USP15: variants seen among roughly 807,000 people sequenced by gnomAD.
USP15 encodes the protein ubiquitin specific peptidase 15.
USP15 carries 18 observed loss-of-function variants against 127.1 expected under a neutral mutation model. The observed-to-expected ratio is 0.14, with a 90% confidence interval of 0.10 to 0.21. The LOEUF is 0.21. Among genes scored for constraint, USP15 ranks in the 10% least tolerant of loss-of-function variants. The probability of loss-of-function intolerance (pLI) is 1.00; values close to 1 mark genes in which losing one functional copy is unlikely to be tolerated. For synonymous variants in USP15, 364 were observed against 393.7 expected (o/e 0.92, Z 0.89); for missense variants, 805 against 1,159.9 (o/e 0.69, Z 4.44).
At chr12:62,338,237 A>G (rs941219627) in intron 6 of USP15, among the ~76,000 whole-genome samples, 1 of 152,078 alleles carries the variant, frequency 6.6e-6, no homozygotes, top group Non-Finnish European at 1.5e-5. Flanking sequence ...CCAGTGATGA[A>G]GAGCTTTTTT....
chr12:62,319,765 A>G (rs1343525444), intron 4 of USP15, among the ~76,000 whole-genome samples: 1 of 152,232 alleles, frequency 6.6e-6, no homozygotes, highest in African/African-American at 2.4e-5. Context: ...TATTAATAGA[A>G]AAAACATCTA....
intron 14 of USP15, among the ~76,000 whole-genome samples, chr12:62,390,510 T>G (rs532740610): frequency 1.3e-5 from 2 of 152,254 alleles, no homozygotes; most frequent in Admixed American, 1.3e-4. Flanking sequence ...TATTCTTTCT[T>G]GCATATCTAA....
chr12:62,341,110 T>C (rs1375137503), intron 6 of USP15, among the ~76,000 whole-genome samples: 4 of 152,214 alleles, frequency 2.6e-5, no homozygotes, highest in East Asian at 1.9e-4. Context: ...GTGGCATTGA[T>C]CCCTTTACCG....
intron 8 of USP15, among the ~76,000 whole-genome samples, chr12:62,379,386 A>G (rs2066922243): frequency 1.3e-5 from 2 of 152,116 alleles, no homozygotes. Context: ...TTGGGCTTCC[A>G]ATCTGTAAGC....
chr12:62,299,213 C>T (rs561428545), intron 2 of USP15, among the ~76,000 whole-genome samples: 49 of 152,180 alleles, frequency 3.2e-4, no homozygotes, highest in Non-Finnish European at 5.1e-4. Context: ...CAGGTTCGAG[C>T]GATTATCCTA....
Position 62,302,852 on chromosome 12 carries a change from A to G in USP15, c.280A>G (p.Thr94Ala). ...IDELDYILLP[T>A]EGWNKLVSWY... ...TGAATTGGATTACATACTGTTGCCAACTGAAGGTTGGAATAAACTTGTCAG... is the reference window on the plus strand; with the variant it reads ...TGAATTGGATTACATACTGTTGCCAGCTGAAGGTTGGAATAAACTTGTCAG... The change falls in exon 3 of 22, where the codon ACT (threonine) becomes GCT (alanine). Residue 94 changes from threonine to alanine, a missense_variant. Thr to Ala is a moderately conservative substitution (Grantham distance 58). Coordinates refer to ENST00000280377, the MANE Select transcript of USP15 (RefSeq NM_001252078.2). 3.1e-6 allele frequency: 5 copies of G among 1,613,212 alleles called. No homozygotes were observed. Among genetic ancestry groups the G allele is most frequent in the Non-Finnish European group, 3.4e-6 (4 of 1,179,388 alleles).
At chr12:62,283,085 A>G (rs1245824541) in intron 1 of USP15, among the ~76,000 whole-genome samples, 5 of 152,224 alleles carry the variant, frequency 3.3e-5, no homozygotes, top group African/African-American at 1.2e-4. Context: ...AAATTAACTG[A>G]AGATCAGAGT....
At chr12:62,328,118 AAG>A (rs2065185596) in intron 6 of USP15, among the ~76,000 whole-genome samples, 1 of 152,186 alleles carries the variant, frequency 6.6e-6, no homozygotes, top group Non-Finnish European at 1.5e-5. Context: ...GAAGATAAGA[AAG>A]AAGAAATAAA....
At position 62,392,298 on chromosome 12, in the gene USP15, G is replaced by A; in HGVS notation, c.2331G>A (p.Glu777=). 1 of 1,605,044 alleles carries A rather than the reference G, an allele frequency of 6.2e-7. No homozygotes were observed. The highest frequency in any genetic ancestry group is 8.5e-7 in the Non-Finnish European group (1 of 1,177,156). ...AEDFEKHESV[E]YKPPKKPFVK... Reference sequence around the variant, plus strand: ...ACTTTGAAAAACATGAAAGTGTGGAGTATAAACCTCCTAAAAAACCCTTTG... The same window carrying A: ...ACTTTGAAAAACATGAAAGTGTGGAATATAAACCTCCTAAAAAACCCTTTG... The change falls in exon 18 of 22, where the codon GAG becomes GAA. Residue 777 remains glutamate (E), a synonymous_variant. Coordinates refer to ENST00000280377, the MANE Select transcript of USP15 (RefSeq NM_001252078.2).
Position 62,393,041 on chromosome 12 carries a change from G to C in USP15, c.2421-12G>C. The C allele has an allele frequency of 1.2e-6, 2 of 1,612,374 alleles. No individual in the cohort carries two copies. The highest frequency in any genetic ancestry group is 8.5e-7 in the Non-Finnish European group (1 of 1,179,502). On this transcript the variant is annotated splice_polypyrimidine_tract_variant and intron_variant, in intron 18 of 21. Coordinates refer to ENST00000280377, the MANE Select transcript of USP15 (RefSeq NM_001252078.2). ...CCTCTATCAAGTGTTAAATACTTCT[G>C]TTTATTCTTAGGTATTGTCCGAATT...
At chr12:62,337,307 G>A (rs2065498011) in intron 6 of USP15, among the ~76,000 whole-genome samples, 1 of 152,068 alleles carries the variant, frequency 6.6e-6, no homozygotes, top group African/African-American at 2.4e-5. Context: ...AAGACATATA[G>A]GAGACGGGGC....
intron 6 of USP15, among the ~76,000 whole-genome samples, chr12:62,331,636 A>G (rs1209354837): frequency 2.0e-5 from 3 of 152,166 alleles, no homozygotes; most frequent in South Asian, 4.1e-4. Flanking sequence ...CTGATGTCCT[A>G]TTGTATTGGC....
intron 3 of USP15, chr12:62,304,830 T>TAAAA (rs34411608): frequency 1.1e-4 from 20 of 174,812 alleles, no homozygotes; most frequent in South Asian, 1.6e-4. Flanking sequence ...TTATTATGCT[T>TAAAA]AAAAAAAAAA....
At position 62,261,443 on chromosome 12, in the gene USP15, T is replaced by A. The variant is rs768777888; in HGVS notation, c.89+940T>A. ...CCTCTTCATTATAATAAAACATATT[T>A]TCACTTTCCACTGTTACCATAACAG... On this transcript the variant is annotated intron_variant, in intron 1 of 21. Coordinates refer to ENST00000280377, the MANE Select transcript of USP15 (RefSeq NM_001252078.2). 1.5e-4 allele frequency among the ~76,000 whole-genome samples: 23 copies of A among 152,306 alleles called. No individual in the cohort carries two copies. The South Asian group carries it at 1.9e-3, about 12-fold the overall frequency.
intron 8 of USP15, 44 bp from the exon 9 acceptor site, chr12:62,381,442 AATTC>A (rs2066988443): frequency 6.7e-7 from 1 of 1,491,490 alleles, no homozygotes; most frequent in African/African-American, 1.4e-5. Context: ...TTTTAAGAAA[AATTC>A]ATTATGATTA....
chr12:62,319,941 C>T (rs1030402081), intron 4 of USP15, among the ~76,000 whole-genome samples: 2 of 152,076 alleles, frequency 1.3e-5, no homozygotes, highest in African/African-American at 4.8e-5. Context: ...TTGGCTTCTT[C>T]CTTTATCCTC....
At chr12:62,338,463 A>G (rs1274667330) in intron 6 of USP15, among the ~76,000 whole-genome samples, 1 of 152,080 alleles carries the variant, frequency 6.6e-6, no homozygotes, top group Non-Finnish European at 1.5e-5. Flanking sequence ...TTTCCTGTGT[A>G]GAAGCTCTTT....
intron 8 of USP15, among the ~76,000 whole-genome samples, chr12:62,361,782 T>C (rs2066326673): frequency 6.6e-6 from 1 of 152,060 alleles, no homozygotes; most frequent in African/African-American, 2.4e-5. Flanking sequence ...AGCTCATTTT[T>C]TTGATGTCAA....
At chr12:62,283,117 T>C (rs2063696828) in intron 1 of USP15, among the ~76,000 whole-genome samples, 1 of 152,200 alleles carries the variant, frequency 6.6e-6, no homozygotes. Context: ...AATGATACTA[T>C]ACTCCCCAGT....
Sources: allele counts gnomAD v4.1 joint callset (sites outside exome capture counted in the v4.1 genomes callset), GRCh38; gene constraint gnomAD v4.1.1; transcripts MANE v1.5; gene names NCBI Gene and HGNC (gene_info 2026-07-23, HGNC 2026-07-21).